Variants in CPNE5 observed in about 807,000 individuals in gnomAD.
CPNE5 encodes the protein copine-5.
A neutral mutation model predicts 81.1 loss-of-function variants in CPNE5; 42 were observed. That is an observed-to-expected ratio of 0.52 (90% CI 0.40 to 0.67). The LOEUF (loss-of-function observed/expected upper bound fraction) is 0.67, where lower values mean the gene tolerates loss of function less well. Ranked by LOEUF, CPNE5 falls within the 30% of genes least tolerant of loss-of-function variation. CPNE5 has a pLI of 0.00. For missense variants in CPNE5, 612 were observed against 815.5 expected (o/e 0.75, Z 3.04); for synonymous variants, 313 against 321.5 (o/e 0.97, Z 0.28).
chr6:36,770,689 C>G (rs1290261635), intron 10 of CPNE5, among the ~76,000 whole-genome samples: 2 of 152,114 alleles, frequency 1.3e-5, no homozygotes, highest in African/African-American at 4.8e-5. Flanking sequence ...CTGGCCACCC[C>G]CCTCCTGGAG....
At chr6:36,768,393 G>A (rs766140412) in intron 10 of CPNE5, among the ~76,000 whole-genome samples, 5 of 151,700 alleles carry the variant, frequency 3.3e-5, no homozygotes, top group East Asian at 1.9e-4. Context: ...CATCATATCC[G>A]GCTAATTTTT....
At chr6:36,823,224 A>G in intron 1 of CPNE5, 126 bp from the exon 2 acceptor site, 2 of 669,916 alleles carry the variant, frequency 3.0e-6, no homozygotes, top group Non-Finnish European at 4.7e-6. Flanking sequence ...CAGTTCCACA[A>G]TCGTTTATTA....
intron 10 of CPNE5, among the ~76,000 whole-genome samples, chr6:36,773,610 C>A (rs1767234493): frequency 6.6e-6 from 1 of 152,128 alleles, no homozygotes; most frequent in African/African-American, 2.4e-5. Context: ...CACAACAGAG[C>A]CTCGTTGTGT....
chr6:36,743,604 G>C (rs1763773576), intron 20 of CPNE5, 85 bp downstream of exon 20: 1 of 1,337,334 alleles, frequency 7.5e-7, no homozygotes, highest in African/African-American at 1.4e-5. Flanking sequence ...CCCTTCACCA[G>C]GGAAGCCCCC....
In CPNE5 at chr6:36,772,279, C is replaced by T. The variant is rs1582824263; in HGVS notation, c.737+2682G>A. On this transcript the variant is annotated intron_variant, in intron 10 of 20. Coordinates refer to ENST00000244751, the MANE Select transcript of CPNE5 (RefSeq NM_020939.2). ...CCCTTTATTCCCGTGCCCCTGTCCC[C>T]AGGATCCTCCACCCCTGACTTTCCA... is the stretch of plus-strand genomic sequence containing the variant. 2.0e-5 allele frequency among the ~76,000 whole-genome samples: 3 copies of T among 152,266 alleles called. No individual in the cohort carries two copies. In the East Asian group the frequency reaches 5.8e-4, roughly 29 times the overall value.
chr6:36,753,384 G>A (rs929537411), intron 13 of CPNE5, among the ~76,000 whole-genome samples: 1 of 152,212 alleles, frequency 6.6e-6, no homozygotes, highest in Non-Finnish European at 1.5e-5. Flanking sequence ...TGACCTTGAC[G>A]GAAGGGTCCC....
At chr6:36,774,286 G>A (rs139540342) in intron 10 of CPNE5, among the ~76,000 whole-genome samples, 42 of 152,238 alleles carry the variant, frequency 2.8e-4, no homozygotes, top group Admixed American at 5.9e-4. Context: ...AGGAGGTAGA[G>A]GTGGAAGGAT....
At chr6:36,810,795 C>A (rs1365939923) in intron 3 of CPNE5, among the ~76,000 whole-genome samples, 1 of 152,154 alleles carries the variant, frequency 6.6e-6, no homozygotes, top group Non-Finnish European at 1.5e-5. Context: ...ACCTTGGCAC[C>A]TTTCGTTTCG....
chr6:36,789,422 C>T (rs1382993284), intron 8 of CPNE5, among the ~76,000 whole-genome samples: 3 of 152,192 alleles, frequency 2.0e-5, no homozygotes, highest in East Asian at 3.8e-4. Context: ...ATTTCCAAAG[C>T]GCTTTCATGT....
At chr6:36,811,684 G>A (rs1338226751) in intron 3 of CPNE5, among the ~76,000 whole-genome samples, 2 of 152,118 alleles carry the variant, frequency 1.3e-5, no homozygotes, top group African/African-American at 4.8e-5. Context: ...GAAATCTCAG[G>A]CTCATGTCTA....
chr6:36,829,850 CAAAAAAA>C (rs1224687378), intron 1 of CPNE5, among the ~76,000 whole-genome samples: 1 of 47,360 alleles, frequency 2.1e-5, no homozygotes, highest in African/African-American at 8.2e-5. Flanking sequence ...GTAGGAATTG[CAAAAAAA>C]AAAAAAAAAA....
chr6:36,747,788 C>T (rs1196703785), intron 15 of CPNE5, among the ~76,000 whole-genome samples: 1 of 152,230 alleles, frequency 6.6e-6, no homozygotes, highest in South Asian at 2.1e-4. Flanking sequence ...CAGGGCAGCC[C>T]CAGCCAGGTA....
At chr6:36,777,005 C>T (rs1008414636) in intron 9 of CPNE5, among the ~76,000 whole-genome samples, 2 of 152,332 alleles carry the variant, frequency 1.3e-5, no homozygotes, top group African/African-American at 4.8e-5. Flanking sequence ...CAGTGCCCCA[C>T]GGGATCCCCT....
At chr6:36,808,355 A>C (rs1244756806) in intron 3 of CPNE5, among the ~76,000 whole-genome samples, 6 of 152,048 alleles carry the variant, frequency 3.9e-5, no homozygotes, top group Non-Finnish European at 8.8e-5. Context: ...TCGGCCTCAC[A>C]AAGTGCTGGG....
chr6:36,795,525 G>T (rs1769486933), intron 6 of CPNE5, among the ~76,000 whole-genome samples: 1 of 152,132 alleles, frequency 6.6e-6, no homozygotes, highest in South Asian at 2.1e-4. Context: ...ATGAGGTCAT[G>T]GCAGTGGACC....
At chr6:36,806,544 T>C (rs1190971925) in intron 3 of CPNE5, among the ~76,000 whole-genome samples, 1 of 152,166 alleles carries the variant, frequency 6.6e-6, no homozygotes, top group African/African-American at 2.4e-5. Flanking sequence ...CAGGTGATGC[T>C]CTATCCCTTG....
intron 3 of CPNE5, among the ~76,000 whole-genome samples, chr6:36,817,536 C>T (rs1052220200): frequency 5.3e-5 from 8 of 152,142 alleles, no homozygotes; most frequent in Non-Finnish European, 8.8e-5. Context: ...CATCCATGAA[C>T]TCCCTGTATT....
rs1773805099 is a variant in CPNE5 at position 36,839,134 on chromosome 6, G to C, written c.95+149C>G. 1 of 561,086 alleles carries C rather than the reference G, an allele frequency of 1.8e-6. No individual in the cohort carries two copies. Among genetic ancestry groups the C allele is most frequent in the Non-Finnish European group, 3.0e-6 (1 of 330,554 alleles). 34.8% of individuals were successfully genotyped at this position (561,086 alleles called of 1,614,324 possible). ...CGCCACCCGCAGCTGGACAGGACAG[G>C]GGCTCTTGGCAGATCGGCAGGGGCG... On this transcript the variant is annotated intron_variant, in intron 1 of 20. Coordinates refer to ENST00000244751, the MANE Select transcript of CPNE5 (RefSeq NM_020939.2). This position sits in a 1 kb window ranked among gnomAD's most constrained non-coding sequence, Gnocchi z 7.3.
intron 3 of CPNE5, among the ~76,000 whole-genome samples, chr6:36,814,577 T>G (rs577389238): frequency 3.3e-5 from 5 of 152,012 alleles, no homozygotes; most frequent in Non-Finnish European, 7.4e-5. Context: ...ATAGTGTCGC[T>G]AGATGTGTAA....
Sources: allele counts gnomAD v4.1 joint callset (sites outside exome capture counted in the v4.1 genomes callset), GRCh38; gene constraint gnomAD v4.1.1; non-coding constraint Gnocchi (gnomAD v3.1); transcripts MANE v1.5; gene names NCBI Gene and HGNC (gene_info 2026-07-23, HGNC 2026-07-21).